The following ASCC3 variants were observed in gnomAD, a reference collection of about 807,000 sequenced individuals.
ASCC3 encodes the protein ASC-1 complex subunit P200.
In ASCC3, 158 loss-of-function variants were observed where a neutral mutation model predicts 256.3. The ratio of observed to expected loss-of-function variants is 0.62; its 90% CI spans 0.54 to 0.70. The LOEUF is 0.70. Among genes scored for constraint, ASCC3 ranks in the 30% least tolerant of loss-of-function variants. ASCC3 has a pLI of 0.00. For missense variants in ASCC3, 2,259 were observed against 2,626.0 expected, an observed-to-expected ratio of 0.86 and a Z score of 3.05; for synonymous variants, 948 against 883.4, an observed-to-expected ratio of 1.07 and a Z score of -1.30.
Position 100,587,441 on chromosome 6 carries a change from T to C in ASCC3, c.5550+2193A>G, listed in dbSNP as rs181005478. ...GTGTTCAATAGTGAACAAAGAATAA[T>C]TCCTAGGCAAGAAATTAAGAAAACA... On this transcript the variant is annotated intron_variant, in intron 36 of 41. Transcript: ENST00000369162. Among the ~76,000 whole-genome samples the C allele has an allele frequency of 2.0e-5, 3 of 152,312 alleles. No individual in the cohort carries two copies. The East Asian group carries it at 5.8e-4, about 29-fold the overall frequency.
intron 36 of ASCC3, among the ~76,000 whole-genome samples, chr6:100,579,477 T>C (rs1219642568): frequency 6.6e-6 from 1 of 152,154 alleles, no homozygotes; most frequent in Non-Finnish European, 1.5e-5. Context: ...TAGTTTTAGG[T>C]TTCACATTCA....
In ASCC3 at chr6:100,795,949, T is replaced by A. The variant is rs1024934054; in HGVS notation, c.1395+2764A>T. ...TCTATTTTTTCTCCCAATGTCTGTA[T>A]TATTACTCAAGCTTATGATGTCTGG... On this transcript the variant is annotated intron_variant, in intron 8 of 41. Coordinates refer to ENST00000369162, the MANE Select transcript of ASCC3 (RefSeq NM_006828.4). Among the ~76,000 whole-genome samples, 4 of 152,318 alleles carry A rather than the reference T, an allele frequency of 2.6e-5. No individual in the cohort carries two copies. The East Asian group carries it at 7.7e-4, about 29-fold the overall frequency.
At chr6:100,674,595 G>A (rs1776913893) in intron 14 of ASCC3, among the ~76,000 whole-genome samples, 1 of 148,958 alleles carries the variant, frequency 6.7e-6, no homozygotes, top group African/African-American at 2.5e-5. Flanking sequence ...TCTACCATGT[G>A]TTAGGCAAGG....
At chr6:100,580,910 ACTC>A (rs1480764862) in intron 36 of ASCC3, among the ~76,000 whole-genome samples, 1 of 151,886 alleles carries the variant, frequency 6.6e-6, no homozygotes, top group Non-Finnish European at 1.5e-5. Flanking sequence ...AAGGACATGA[ACTC>A]ATCATTTTTA....
intron 8 of ASCC3, among the ~76,000 whole-genome samples, chr6:100,781,317 G>T (rs566459575): frequency 1.4e-4 from 22 of 152,180 alleles, no homozygotes; most frequent in African/African-American, 5.1e-4. Flanking sequence ...ATTCACTGAA[G>T]TTGCCGCCTG....
At chr6:100,733,325 G>T (rs1779994461) in intron 10 of ASCC3, among the ~76,000 whole-genome samples, 1 of 152,120 alleles carries the variant, frequency 6.6e-6, no homozygotes, top group Non-Finnish European at 1.5e-5. Context: ...TGGCAATATT[G>T]GTAGGTGGGG....
At chr6:100,638,020 G>T (rs1008599622) in intron 25 of ASCC3, among the ~76,000 whole-genome samples, 1 of 152,098 alleles carries the variant, frequency 6.6e-6, no homozygotes, top group Non-Finnish European at 1.5e-5. Context: ...TTTGAAAGAC[G>T]TTCTATCGTG....
At chr6:100,584,712 C>G (rs556103401) in intron 36 of ASCC3, among the ~76,000 whole-genome samples, 1 of 151,894 alleles carries the variant, frequency 6.6e-6, no homozygotes, top group Admixed American at 6.6e-5. Flanking sequence ...GATTTTGCAG[C>G]GGCTGGTACC....
At chr6:100,772,771 C>T (rs1477178066) in intron 8 of ASCC3, among the ~76,000 whole-genome samples, 1 of 152,156 alleles carries the variant, frequency 6.6e-6, no homozygotes, top group Non-Finnish European at 1.5e-5. Context: ...CTGGCTTTGC[C>T]ACTACTTGCA....
At chr6:100,851,211 C>T (rs1243525427) in intron 3 of ASCC3, among the ~76,000 whole-genome samples, 3 of 152,096 alleles carry the variant, frequency 2.0e-5, no homozygotes, top group Non-Finnish European at 2.9e-5. Flanking sequence ...CAAGTTATTT[C>T]CCCTATGTCA....
intron 36 of ASCC3, among the ~76,000 whole-genome samples, chr6:100,548,218 G>A (rs1439835575): frequency 6.6e-6 from 1 of 151,848 alleles, no homozygotes; most frequent in African/African-American, 2.4e-5. Flanking sequence ...ATGGATTCTT[G>A]TCTATGAAAT....
intron 6 of ASCC3, 36 bp from the exon 7 acceptor site, chr6:100,799,608 T>C (rs893946438): frequency 1.7e-5 from 28 of 1,603,784 alleles, no homozygotes; most frequent in Admixed American, 3.3e-5. Flanking sequence ...TTGAAATGTT[T>C]ATCTTGAAAG....
chr6:100,655,548 T>C, intron 17 of ASCC3, 151 bp downstream of exon 17: 1 of 789,770 alleles, frequency 1.3e-6, no homozygotes. Flanking sequence ...CAGGGGCCTA[T>C]CTAATTTTTT....
intron 36 of ASCC3, among the ~76,000 whole-genome samples, chr6:100,582,001 G>A (rs1392427089): frequency 3.9e-5 from 6 of 152,308 alleles, no homozygotes; most frequent in African/African-American, 1.2e-4. Context: ...GTAGTATATA[G>A]TTTGAAGTCA....
intron 10 of ASCC3, among the ~76,000 whole-genome samples, chr6:100,728,733 T>C (rs1250611883): frequency 6.6e-6 from 1 of 152,076 alleles, no homozygotes; most frequent in Non-Finnish European, 1.5e-5. Flanking sequence ...TAATATTAAG[T>C]ATAATCACTT....
rs143905396 is a variant in ASCC3, at chr6:100,656,818, G to A, written c.2704-1000C>T. Among the ~76,000 whole-genome samples, 58 of 150,708 alleles carry A rather than the reference G, an allele frequency of 3.8e-4. 1 individual carries two copies. The highest frequency in any genetic ancestry group is 1.4e-3 in the African/African-American group (57 of 41,328). On this transcript the variant is annotated intron_variant, in intron 16 of 41. Transcript: ENST00000369162. ...TTTACTTTAAAAATTTACCCACGTTGTAAAACTTCATAGTTGTATTTTTTT... is the reference window on the plus strand; with the variant it reads ...TTTACTTTAAAAATTTACCCACGTTATAAAACTTCATAGTTGTATTTTTTT...
chr6:100,633,716 A>C (rs1774675983), intron 25 of ASCC3, among the ~76,000 whole-genome samples: 1 of 151,446 alleles, frequency 6.6e-6, no homozygotes, highest in Non-Finnish European at 1.5e-5. Context: ...AAAAAAAAAA[A>C]TACAAAAATT....
At chr6:100,856,386 T>C in intron 3 of ASCC3, 7 of 984,132 alleles carry the variant, frequency 7.1e-6, no homozygotes, top group Non-Finnish European at 8.4e-6. Context: ...CTCACCATGA[T>C]AGCCAAACCT....
intron 13 of ASCC3, among the ~76,000 whole-genome samples, chr6:100,714,603 C>T (rs1014351108): frequency 6.6e-6 from 1 of 152,052 alleles, no homozygotes; most frequent in South Asian, 2.1e-4. Context: ...GATAATCTTA[C>T]CAGCTTCATA....
Sources: gnomAD v4.1 joint callset for allele counts (sites outside exome capture counted in the v4.1 genomes callset) on GRCh38, gnomAD v4.1.1 for gene constraint, MANE v1.5 for transcripts, NCBI Gene and HGNC (gene_info 2026-07-23, HGNC 2026-07-21) for gene names.